INTS14: variants seen among roughly 807,000 people sequenced by gnomAD.
INTS14 encodes the protein UPF0464 protein C15orf44.
INTS14 carries 27 observed loss-of-function variants against 56.9 expected under a neutral mutation model. The ratio of observed to expected loss-of-function variants is 0.47; its 90% CI spans 0.35 to 0.65. INTS14 has a LOEUF of 0.65. INTS14 is among the 30% of genes least tolerant of loss of function. INTS14 has a pLI of 0.00. For synonymous variants in INTS14, 207 were observed against 236.2 expected (o/e 0.88, Z 1.13); for missense variants, 517 against 632.2 (o/e 0.82, Z 1.95).
chr15:65,595,364 C>T (rs934891083), intron 7 of INTS14, among the ~76,000 whole-genome samples: 1 of 152,188 alleles, frequency 6.6e-6, no homozygotes, highest in Non-Finnish European at 1.5e-5. Context: ...GTGATTCTTC[C>T]GTGTATAAAG....
intron 1 of INTS14, among the ~76,000 whole-genome samples, chr15:65,610,095 C>A (rs2073834462): frequency 6.6e-6 from 1 of 150,990 alleles, no homozygotes; most frequent in Non-Finnish European, 1.5e-5. Context: ...AAAGGCCAGG[C>A]ACGCCTTTAA....
In INTS14 at chr15:65,611,083, G is replaced by A. The variant is rs943120558; in HGVS notation, c.-63+15C>T. On this transcript the variant is annotated intron_variant, in intron 1 of 11. Coordinates refer to ENST00000313182, the MANE Select transcript of INTS14 (RefSeq NM_001394796.1). ...CAGCGAAAGGCAGTCCCGGGCCCTC[G>A]GCCTCCCCACTCACCCCGTGCCCAT... 2.0e-6 allele frequency: 3 copies of A among 1,535,680 alleles called. No individual in the cohort carries two copies. Among genetic ancestry groups the A allele is most frequent in the Non-Finnish European group, 2.6e-6 (3 of 1,146,606 alleles).
intron 2 of INTS14, among the ~76,000 whole-genome samples, chr15:65,606,247 C>G (rs1257447601): frequency 8.1e-6 from 1 of 123,820 alleles, no homozygotes; most frequent in Non-Finnish European, 1.7e-5. Flanking sequence ...AGCGAGACTC[C>G]GTCTCAAAAA....
intron 2 of INTS14, among the ~76,000 whole-genome samples, chr15:65,606,623 T>C (rs2073665511): frequency 6.6e-6 from 1 of 152,138 alleles, no homozygotes; most frequent in Non-Finnish European, 1.5e-5. Context: ...ATATTATGAA[T>C]ATTATGATTT....
chr15:65,594,781 G>T (rs1204804001), intron 7 of INTS14, among the ~76,000 whole-genome samples: 1 of 152,014 alleles, frequency 6.6e-6, no homozygotes, highest in Non-Finnish European at 1.5e-5. Context: ...TAAGTATACT[G>T]GCATGCAGAA....
At chr15:65,608,672 TG>T (rs1465680894) in intron 1 of INTS14, among the ~76,000 whole-genome samples, 1 of 152,162 alleles carries the variant, frequency 6.6e-6, no homozygotes, top group Non-Finnish European at 1.5e-5. Flanking sequence ...CATTAGTAAC[TG>T]AGAAAAGCAG....
At chr15:65,610,224 G>A (rs1234857258) in intron 1 of INTS14, among the ~76,000 whole-genome samples, 3 of 152,190 alleles carry the variant, frequency 2.0e-5, no homozygotes, top group Non-Finnish European at 4.4e-5. Context: ...GCCAGATGTG[G>A]TGGCGTGCGC....
At chr15:65,588,452 G>A (rs557508035) in intron 9 of INTS14, among the ~76,000 whole-genome samples, 64 of 152,018 alleles carry the variant, frequency 4.2e-4, no homozygotes, top group Non-Finnish European at 8.1e-4. Flanking sequence ...ATTACTTGAG[G>A]TCAGGAGTTT....
chr15:65,601,583 C>G (rs968391374), intron 3 of INTS14, among the ~76,000 whole-genome samples: 1 of 152,122 alleles, frequency 6.6e-6, no homozygotes, highest in Non-Finnish European at 1.5e-5. Context: ...CCTTGTGAAC[C>G]GTCAGCCTCG....
At position 65,584,851 on chromosome 15, in the gene INTS14, CTT is replaced by C; in HGVS notation, c.1156_1157del (p.Lys386GlufsTer42). ...TTTTGGGCTGCAGGGGGAATGGACTCTTATTGTCATCCTCGCCATAAGGGTTT... is the reference window on the plus strand; with the variant it reads ...TTTTGGGCTGCAGGGGGAATGGACTCATTGTCATCCTCGCCATAAGGGTTT... The part of the protein sequence containing the change: ...KENPYGEDDN[K>X]SPFPLQPKNK... On this transcript the variant is annotated frameshift_variant, in exon 10 of 12. Transcript: ENST00000313182. LOFTEE classifies it high-confidence loss of function. The C allele has an allele frequency of 6.2e-7, 1 of 1,613,428 alleles. No individual in the cohort carries two copies. The highest frequency in any genetic ancestry group is 8.5e-7 in the Non-Finnish European group (1 of 1,179,708).
At chr15:65,594,067 A>C (rs1183804792) in intron 7 of INTS14, among the ~76,000 whole-genome samples, 1 of 152,222 alleles carries the variant, frequency 6.6e-6, no homozygotes, top group Non-Finnish European at 1.5e-5. Context: ...GTTAGATGCT[A>C]TCTGGAAGCT....
chr15:65,600,898 C>T (rs2073409724), intron 3 of INTS14, among the ~76,000 whole-genome samples: 1 of 152,112 alleles, frequency 6.6e-6, no homozygotes, highest in Non-Finnish European at 1.5e-5. Context: ...CATTCACAAC[C>T]AATTCTTACT....
Position 65,598,426 on chromosome 15 carries a change from C to T in INTS14, c.643G>A (p.Val215Ile). The change falls in exon 6 of 12, where the codon GTT becomes ATT. Residue 215 changes from valine (V) to isoleucine (I), a missense_variant. Transcript: ENST00000313182. ...GCAGTTAGGTGGCCACACTTGAGAA[C>T]AGCATGGAAAGGCGTATATGCCAAA... Reference protein sequence around the residue: ...IDLAYTPFHAVLKCGHLTADV... With the variant: ...IDLAYTPFHAILKCGHLTADV... The T allele has an allele frequency of 6.2e-7, 1 of 1,614,002 alleles. No homozygotes were observed. Among genetic ancestry groups the T allele is most frequent in the South Asian group, 1.1e-5 (1 of 91,066 alleles).
chr15:65,605,120 G>C lies in INTS14; in HGVS notation c.330+9C>G. The C allele has an allele frequency of 6.2e-7, 1 of 1,604,274 alleles. No individual in the cohort carries two copies. Among genetic ancestry groups the C allele is most frequent in the Non-Finnish European group, 8.5e-7 (1 of 1,171,070 alleles). ...TAACTTAGGGCAATGAAAAAGAATTGATCATTACCTGGCAAGGAATTGCAC... is the reference window on the plus strand; with the variant it reads ...TAACTTAGGGCAATGAAAAAGAATTCATCATTACCTGGCAAGGAATTGCAC... On this transcript the variant is annotated intron_variant, in intron 3 of 11. Transcript: ENST00000313182.
At chr15:65,602,016 G>GACC (rs1346792501) in intron 3 of INTS14, among the ~76,000 whole-genome samples, 1 of 152,056 alleles carries the variant, frequency 6.6e-6, no homozygotes, top group East Asian at 1.9e-4. Flanking sequence ...AGGAGTTCAA[G>GACC]ACCAGCCTGG....
intron 7 of INTS14, among the ~76,000 whole-genome samples, chr15:65,594,907 T>C (rs573795133): frequency 9.0e-4 from 137 of 152,296 alleles, no homozygotes; most frequent in African/African-American, 3.2e-3. Context: ...TCTGTGAACA[T>C]GTGATTGGTT....
chr15:65,582,768 T>C (rs780308549), intron 10 of INTS14, among the ~76,000 whole-genome samples: 9 of 151,798 alleles, frequency 5.9e-5, no homozygotes, highest in Non-Finnish European at 1.3e-4. Flanking sequence ...AAAAGATAAC[T>C]CACAAAATGG....
Position 65,579,446 on chromosome 15 carries a change from G to C in INTS14, c.1519C>G (p.His507Asp). 6.2e-7 allele frequency: 1 copy of C among 1,614,000 alleles called. No homozygotes were observed. The highest frequency in any genetic ancestry group is 1.1e-5 in the South Asian group (1 of 91,086). Reference protein sequence around the residue: ...AAYDQNITPLHTDFSGSSTER... With the variant: ...AAYDQNITPLDTDFSGSSTER... Reference sequence around the variant, plus strand: ...GTGCTGCTCCCAGAGAAGTCCGTGTGCAAAGGTGTGATGTTCTGGTCATAA... The same window carrying C: ...GTGCTGCTCCCAGAGAAGTCCGTGTCCAAAGGTGTGATGTTCTGGTCATAA... The change falls in exon 12 of 12, where the codon CAC becomes GAC. Residue 507 changes from histidine (H) to aspartate (D), a missense_variant. By Grantham distance (81) the His-to-Asp change is moderately conservative. Coordinates refer to ENST00000313182, the MANE Select transcript of INTS14 (RefSeq NM_001394796.1).
intron 1 of INTS14, among the ~76,000 whole-genome samples, chr15:65,610,174 A>G (rs868641404): frequency 6.6e-5 from 10 of 152,312 alleles, no homozygotes; most frequent in South Asian, 2.1e-4. Flanking sequence ...AGTCTGACCA[A>G]CATGGTGAAA....
Sources: gnomAD v4.1 joint callset for allele counts (sites outside exome capture counted in the v4.1 genomes callset) on GRCh38, gnomAD v4.1.1 for gene constraint, MANE v1.5 for transcripts, NCBI Gene and HGNC (gene_info 2026-07-23, HGNC 2026-07-21) for gene names.